PRCP: variants seen among roughly 807,000 people sequenced by gnomAD.
PRCP encodes the protein prolylcarboxypeptidase, also known as lysosomal Pro-X carboxypeptidase.
In PRCP, 46 loss-of-function variants were observed where a neutral mutation model predicts 54.2. The ratio of observed to expected loss-of-function variants is 0.85; its 90% CI spans 0.67 to 1.09. The LOEUF (loss-of-function observed/expected upper bound fraction) is 1.09, where lower values mean the gene tolerates loss of function less well. PRCP is among the 50% of genes least tolerant of loss of function. PRCP has a pLI of 0.00. For missense variants in PRCP, 613 were observed against 596.8 expected (o/e 1.03, Z -0.28); for synonymous variants, 240 against 212.2 (o/e 1.13, Z -1.14).
chr11:82,883,159 A>T (rs1657758124), intron 1 of PRCP, among the ~76,000 whole-genome samples: 1 of 152,228 alleles, frequency 6.6e-6, no homozygotes, highest in Admixed American at 6.5e-5. Flanking sequence ...CAGGATACCA[A>T]CATATAAATA....
chr11:82,872,712 T>C (rs1859507552), intron 1 of PRCP, among the ~76,000 whole-genome samples: 1 of 152,170 alleles, frequency 6.6e-6, no homozygotes, highest in Admixed American at 6.5e-5. Context: ...ACCCTGACTT[T>C]GGACTTCTGG....
intron 5 of PRCP, 76 bp from the exon 6 acceptor site, chr11:82,849,294 C>T: frequency 6.7e-7 from 1 of 1,482,118 alleles, no homozygotes. Context: ...TTATTCTTCA[C>T]ATAGTATTTT....
intron 1 of PRCP, among the ~76,000 whole-genome samples, chr11:82,899,527 G>A (rs1295745521): frequency 6.6e-6 from 1 of 152,148 alleles, no homozygotes; most frequent in Non-Finnish European, 1.5e-5. Context: ...TTTCACAGAG[G>A]ATGTACTTTT....
At chr11:82,829,248 A>C (rs908673293) in intron 8 of PRCP, 1 of 152,228 alleles carries the variant, frequency 6.6e-6, no homozygotes, top group South Asian at 2.1e-4. Flanking sequence ...TCTCATTCAC[A>C]GTAAAAACCT....
intron 1 of PRCP, among the ~76,000 whole-genome samples, chr11:82,874,880 A>G (rs749508563): frequency 3.5e-4 from 53 of 151,890 alleles, no homozygotes; most frequent in African/African-American, 1.3e-3. Context: ...ATTCAACGCC[A>G]CTCCCTTCAT....
At chr11:82,825,170 T>A (rs910064811) in intron 8 of PRCP, 48 bp from the exon 9 acceptor site, 1 of 1,506,704 alleles carries the variant, frequency 6.6e-7, no homozygotes, top group East Asian at 2.4e-5. Flanking sequence ...GTTTTTCATG[T>A]TAACACTCAG....
At chr11:82,847,097 A>G (rs1858826106) in intron 6 of PRCP, among the ~76,000 whole-genome samples, 1 of 152,290 alleles carries the variant, frequency 6.6e-6, no homozygotes, top group Non-Finnish European at 1.5e-5. Context: ...GCCTAAAAAT[A>G]TAGCCCTTTG....
chr11:82,840,861 G>C (rs1273850574), intron 6 of PRCP: 2 of 151,782 alleles, frequency 1.3e-5, no homozygotes, highest in Non-Finnish European at 2.9e-5. Context: ...GCCTAGATTT[G>C]TTCCCAGCTG....
intron 6 of PRCP, chr11:82,846,072 G>A (rs756286086): frequency 6.6e-6 from 1 of 152,144 alleles, no homozygotes; most frequent in Non-Finnish European, 1.5e-5. Context: ...GAAATCACCT[G>A]CTTTTTTTCA....
At chr11:82,852,272 T>C (rs914065055) in intron 3 of PRCP, among the ~76,000 whole-genome samples, 7 of 152,218 alleles carry the variant, frequency 4.6e-5, no homozygotes, top group Admixed American at 3.3e-4. Flanking sequence ...TACTTATTTT[T>C]ACTATTGTAT....
chr11:82,861,136 T>A (rs1421547673), intron 1 of PRCP, among the ~76,000 whole-genome samples: 1 of 148,844 alleles, frequency 6.7e-6, no homozygotes, highest in African/African-American at 2.6e-5. Context: ...CCACCATTTG[T>A]TTATTAAATC....
chr11:82,860,171 C>A, intron 1 of PRCP, 54 bp from the exon 2 acceptor site: 1 of 1,268,906 alleles, frequency 7.9e-7, no homozygotes, highest in South Asian at 1.9e-5. Flanking sequence ...AAAATGAGAT[C>A]AACATAAAGG....
At position 82,822,958 on chromosome 11, in the gene PRCP, G is replaced by A. The variant is rs550665422; in HGVS notation, c.*1948C>T. ...GTCTCTCTTTCCCTGTCAGTAAAAA[G>A]TGCAGTTTTATTAGAGGGATGCTTT... On this transcript the variant is annotated 3_prime_UTR_variant, in exon 9 of 9. Coordinates refer to ENST00000313010, the MANE Select transcript of PRCP (RefSeq NM_005040.4). Among the ~76,000 whole-genome samples, 2 of 152,278 alleles carry A rather than the reference G, an allele frequency of 1.3e-5. No homozygotes were observed. Among genetic ancestry groups the A allele is most frequent in the East Asian group, 3.9e-4 (2 of 5,190 alleles).
chr11:82,875,005 G>A (rs1352438054), intron 1 of PRCP, among the ~76,000 whole-genome samples: 1 of 150,532 alleles, frequency 6.6e-6, no homozygotes, highest in Non-Finnish European at 1.5e-5. Flanking sequence ...CCACCATACT[G>A]TTATAAACTG....
In PRCP at chr11:82,825,095, T is replaced by A. The variant is rs150929164; in HGVS notation, c.1302A>T (p.Gly434=). The change falls in exon 9 of 9, where the codon GGA becomes GGT. Residue 434 remains glycine (G), a synonymous_variant. Transcript: ENST00000313010. The part of the protein sequence containing the change: ...FSNGELDPWS[G]GGVTKDITDT... ...CTGTGATATCCTTAGTTACTCCACC[T>A]CCTGACCAGGGGTCTAGTTCACCAT... The A allele has an allele frequency of 1.5e-3, 2,373 of 1,613,824 alleles. 5 individuals carry two copies. Among genetic ancestry groups the A allele is most frequent in the Admixed American group, 2.2e-3 (130 of 59,956 alleles).
At chr11:82,898,338 T>C (rs1452737519) in intron 1 of PRCP, among the ~76,000 whole-genome samples, 2 of 152,182 alleles carry the variant, frequency 1.3e-5, no homozygotes, top group Non-Finnish European at 2.9e-5. Flanking sequence ...AGGAGTGTAG[T>C]GGCCAAGAAA....
Position 82,863,664 on chromosome 11 carries a change from G to C in PRCP, c.169-3547C>G, listed in dbSNP as rs7924546. Among the ~76,000 whole-genome samples, 717 of 152,130 alleles carry C rather than the reference G, an allele frequency of 4.7e-3. 2 individuals carry two copies. Among genetic ancestry groups the C allele is most frequent in the Middle Eastern group, 0.02 (6 of 294 alleles). Reference sequence around the variant, plus strand: ...TTAATAATCCAGTCTAAAATTTTCAGATTTGAAAACATGGGTATGTGTTTG... The same window carrying C: ...TTAATAATCCAGTCTAAAATTTTCACATTTGAAAACATGGGTATGTGTTTG... On this transcript the variant is annotated intron_variant, in intron 1 of 8. Transcript: ENST00000313010.
At chr11:82,893,182 C>T (rs1860042532) in intron 1 of PRCP, among the ~76,000 whole-genome samples, 1 of 152,200 alleles carries the variant, frequency 6.6e-6, no homozygotes, top group Non-Finnish European at 1.5e-5. Flanking sequence ...TTTTCCACTG[C>T]TAAGTGTTCA....
intron 6 of PRCP, among the ~76,000 whole-genome samples, chr11:82,842,330 G>A (rs542154774): frequency 1.3e-5 from 2 of 152,322 alleles, no homozygotes; most frequent in East Asian, 3.9e-4. Context: ...GAACATCATG[G>A]TCAGAGACTT....
Sources: allele counts gnomAD v4.1 joint callset (sites outside exome capture counted in the v4.1 genomes callset), GRCh38; gene constraint gnomAD v4.1.1; transcripts MANE v1.5; gene names NCBI Gene and HGNC (gene_info 2026-07-23, HGNC 2026-07-21).